Variants in DHX15 observed in about 807,000 individuals in gnomAD.
The protein encoded by DHX15 is ATP-dependent RNA helicase DHX15.
Under a neutral mutation model 94.4 loss-of-function variants are expected in DHX15, and 11 were observed. That is an observed-to-expected ratio of 0.12 (90% CI 0.07 to 0.19). DHX15 has a LOEUF of 0.19. DHX15 is among the 10% of genes least tolerant of loss of function. The probability of loss-of-function intolerance (pLI) is 1.00; values close to 1 mark genes in which losing one functional copy is unlikely to be tolerated. For missense variants in DHX15, 304 were observed against 988.5 expected (o/e 0.31, Z 9.29); for synonymous variants, 338 against 329.9 (o/e 1.02, Z -0.27).
chr4:24,540,427 CCAATT>C, intron 9 of DHX15, 128 bp from the exon 10 acceptor site: 1 of 745,578 alleles, frequency 1.3e-6, no homozygotes, highest in Non-Finnish European at 2.1e-6. Flanking sequence ...AAACTGTCAT[CCAATT>C]CAATTATACA....
In DHX15 at chr4:24,540,091, TC is replaced by T. The variant is rs1172059895; in HGVS notation, c.1786+16del. The T allele has an allele frequency of 1.4e-6, 2 of 1,467,390 alleles. No individual in the cohort carries two copies. The highest frequency in any genetic ancestry group is 2.9e-5 in the African/African-American group (2 of 69,270). The allele number at this position is 1,467,390 out of a possible 1,614,324, so 90.9% of individuals were successfully genotyped here. ...TTTGAAGAGCTGGGCTTTTTTTTGT[TC>T]CTTTCCCTCTATTACCTGACAACAT... is the stretch of plus-strand genomic sequence containing the variant. On this transcript the variant is annotated intron_variant, in intron 10 of 13. Coordinates refer to ENST00000336812, the MANE Select transcript of DHX15 (RefSeq NM_001358.3).
At chr4:24,573,495 C>T (rs1722170350) in intron 2 of DHX15, among the ~76,000 whole-genome samples, 1 of 152,290 alleles carries the variant, frequency 6.6e-6, no homozygotes, top group Non-Finnish European at 1.5e-5. Flanking sequence ...CTTGTAATTC[C>T]TAATATCCTG....
chr4:24,545,950 A>G (rs1293415829), intron 6 of DHX15, among the ~76,000 whole-genome samples: 1 of 152,198 alleles, frequency 6.6e-6, no homozygotes, highest in Non-Finnish European at 1.5e-5. Flanking sequence ...ACATGCTAAG[A>G]GTAAATTTTC....
chr4:24,538,237 C>T (rs1383602027), intron 10 of DHX15: 3 of 152,142 alleles, frequency 2.0e-5, no homozygotes, highest in East Asian at 3.9e-4. Context: ...ATTATCGGTT[C>T]GGATAGAAGA....
chr4:24,571,352 A>G (rs1487528139), intron 2 of DHX15, among the ~76,000 whole-genome samples: 1 of 152,200 alleles, frequency 6.6e-6, no homozygotes, highest in Non-Finnish European at 1.5e-5. Flanking sequence ...TTTCCCCCTC[A>G]GGAGCAGTAT....
intron 11 of DHX15, among the ~76,000 whole-genome samples, chr4:24,534,901 T>C (rs1721162821): frequency 6.6e-6 from 1 of 151,666 alleles, no homozygotes; most frequent in Non-Finnish European, 1.5e-5. Flanking sequence ...TTCATATCCA[T>C]ATATATATGG....
intron 3 of DHX15, among the ~76,000 whole-genome samples, chr4:24,560,725 C>T (rs1218256455): frequency 6.6e-6 from 1 of 152,028 alleles, no homozygotes; most frequent in African/African-American, 2.4e-5. Flanking sequence ...AACTAAGATG[C>T]ATTTTAAAAT....
At chr4:24,547,809 G>C (rs1577338032) in intron 6 of DHX15, among the ~76,000 whole-genome samples, 1 of 148,034 alleles carries the variant, frequency 6.8e-6, no homozygotes, top group Non-Finnish European at 1.5e-5. Context: ...AAAAATTAAA[G>C]CTTTGCCTGG....
At chr4:24,546,174 A>ACTTATTTG (rs1234523812) in intron 6 of DHX15, among the ~76,000 whole-genome samples, 1 of 152,174 alleles carries the variant, frequency 6.6e-6, no homozygotes, top group Non-Finnish European at 1.5e-5. Context: ...AAGGACATCA[A>ACTTATTTG]CTTATTTGCT....
intron 8 of DHX15, 123 bp from the exon 9 acceptor site, chr4:24,541,071 T>C (rs974196382): frequency 7.2e-6 from 4 of 557,224 alleles, no homozygotes; most frequent in Non-Finnish European, 1.3e-5. Flanking sequence ...ACTGTCTCAG[T>C]AGAGATAAAT....
chr4:24,574,192 C>T (rs1371824981), intron 2 of DHX15, among the ~76,000 whole-genome samples: 11 of 60,096 alleles, frequency 1.8e-4, no homozygotes, highest in East Asian at 7.1e-4. Context: ...GGTGACAGAG[C>T]GAGACTTTGT....
intron 11 of DHX15, among the ~76,000 whole-genome samples, chr4:24,536,696 G>A (rs1379781691): frequency 1.3e-5 from 2 of 152,196 alleles, no homozygotes; most frequent in Middle Eastern, 3.4e-3. Context: ...AAAAATGTTA[G>A]AGTAATGATT....
chr4:24,554,612 G>T, intron 5 of DHX15, 113 bp downstream of exon 5: 1 of 788,980 alleles, frequency 1.3e-6, no homozygotes, highest in Non-Finnish European at 2.0e-6. Flanking sequence ...AATACAATCA[G>T]GTTGAAGAAC....
At chr4:24,557,271 C>T (rs1305973907) in intron 3 of DHX15, among the ~76,000 whole-genome samples, 1 of 152,168 alleles carries the variant, frequency 6.6e-6, no homozygotes, top group Admixed American at 6.6e-5. Context: ...TTCCTTTTGG[C>T]ACCTGGACAA....
At chr4:24,529,873 A>T (rs1721037720) in intron 12 of DHX15, 103 bp from the exon 13 acceptor site, 2 of 1,150,246 alleles carry the variant, frequency 1.7e-6, no homozygotes, top group Non-Finnish European at 2.6e-6. Flanking sequence ...TTTACTTTTC[A>T]TTCTATGGCT....
intron 11 of DHX15, among the ~76,000 whole-genome samples, chr4:24,535,852 T>C (rs1045390177): frequency 3.9e-5 from 6 of 152,146 alleles, no homozygotes; most frequent in Non-Finnish European, 4.4e-5. Context: ...GAGATGTTTA[T>C]GAGATAATAA....
At position 24,584,465 on chromosome 4, in the gene DHX15, C is replaced by T. The variant is rs996303156; in HGVS notation, c.-72G>A. 6 of 1,455,844 alleles carry T rather than the reference C, an allele frequency of 4.1e-6. No individual in the cohort carries two copies. Among genetic ancestry groups the T allele is most frequent in the South Asian group, 1.2e-5 (1 of 82,044 alleles). 90.2% of individuals were successfully genotyped at this position (1,455,844 alleles called of 1,614,324 possible). ...CTGTATGGGCACAGTCGAGGACAGC[C>T]ACTTAACTCTGGAGGACCCCCACCC... On this transcript the variant is annotated 5_prime_UTR_variant, in exon 1 of 14. Coordinates refer to ENST00000336812, the MANE Select transcript of DHX15 (RefSeq NM_001358.3).
At chr4:24,583,165 G>T (rs554146802) in intron 1 of DHX15, among the ~76,000 whole-genome samples, 1 of 152,196 alleles carries the variant, frequency 6.6e-6, no homozygotes, top group Non-Finnish European at 1.5e-5. Context: ...ATTATGCAAA[G>T]TATTTGGCTA....
intron 3 of DHX15, among the ~76,000 whole-genome samples, chr4:24,565,511 T>C (rs548349638): frequency 1.3e-5 from 2 of 152,332 alleles, no homozygotes; most frequent in East Asian, 3.9e-4. Flanking sequence ...AGTTTATAAT[T>C]GTTTGTATAA....
Sources: gnomAD v4.1 joint callset for allele counts (sites outside exome capture counted in the v4.1 genomes callset) on GRCh38, gnomAD v4.1.1 for gene constraint, MANE v1.5 for transcripts, NCBI Gene and HGNC (gene_info 2026-07-23, HGNC 2026-07-21) for gene names.